The following ZNF385D variants were observed in gnomAD, a reference collection of about 807,000 sequenced individuals.
ZNF385D encodes the protein zinc finger protein 659.
Under a neutral mutation model 35.8 loss-of-function variants are expected in ZNF385D, and 15 were observed. That is an observed-to-expected ratio of 0.42 (90% CI 0.28 to 0.64). ZNF385D has a LOEUF of 0.64. Among genes scored for constraint, ZNF385D ranks in the 30% least tolerant of loss-of-function variants. The probability of loss-of-function intolerance (pLI) is 0.23; values close to 1 mark genes in which losing one functional copy is unlikely to be tolerated. For missense variants in ZNF385D, 474 were observed against 494.6 expected (o/e 0.96, Z 0.39); for synonymous variants, 212 against 186.8 (o/e 1.13, Z -1.10).
At chr3:22,293,750 A>C (rs1169667467) in intron 2 of ZNF385D, among the ~76,000 whole-genome samples, 1 of 152,150 alleles carries the variant, frequency 6.6e-6, no homozygotes, top group African/African-American at 2.4e-5. Context: ...CAACTTCAGC[A>C]TCAGCATCAC....
intron 2 of ZNF385D, among the ~76,000 whole-genome samples, chr3:21,660,717 T>C (rs80178803): frequency 6.6e-6 from 1 of 152,334 alleles, no homozygotes; most frequent in East Asian, 1.9e-4. Flanking sequence ...CAAGCCATTC[T>C]CCTTCGATCT....
In ZNF385D at chr3:21,639,836, C is replaced by T. The variant is rs765045552; in HGVS notation, c.165+25050G>A. ...ATAGATTTTTTATTTTAAAAATGTTCACCATGTGAGTCTGCTGAAGAGAAA... is the reference window on the plus strand; with the variant it reads ...ATAGATTTTTTATTTTAAAAATGTTTACCATGTGAGTCTGCTGAAGAGAAA... On this transcript the variant is annotated intron_variant, in intron 2 of 7. Transcript: ENST00000281523. Among the ~76,000 whole-genome samples the T allele has an allele frequency of 1.6e-4, 24 of 151,852 alleles. 1 individual carries two copies. Among genetic ancestry groups the T allele is most frequent in the Non-Finnish European group, 4.4e-5 (3 of 67,944 alleles).
chr3:21,625,669 C>T (rs527477361), intron 2 of ZNF385D, among the ~76,000 whole-genome samples: 4 of 151,898 alleles, frequency 2.6e-5, no homozygotes, highest in Non-Finnish European at 5.9e-5. Flanking sequence ...GGTTGAGACA[C>T]AAAAAAAGTC....
chr3:21,493,920 AT>A (rs1705622435), intron 4 of ZNF385D, among the ~76,000 whole-genome samples: 2 of 152,158 alleles, frequency 1.3e-5, no homozygotes, highest in South Asian at 4.1e-4. Context: ...TTAGCTGATA[AT>A]TCTGTATATT....
At chr3:22,065,635 C>T (rs1229516443) in intron 3 of ZNF385D, among the ~76,000 whole-genome samples, 2 of 147,016 alleles carry the variant, frequency 1.4e-5, no homozygotes, top group African/African-American at 5.0e-5. Context: ...GTGGAGCTCG[C>T]AAGTGGTGAG....
At chr3:21,852,253 C>A (rs1019753208) in intron 3 of ZNF385D, among the ~76,000 whole-genome samples, 66 of 151,842 alleles carry the variant, frequency 4.3e-4, no homozygotes, top group African/African-American at 4.8e-5. Context: ...CATTGGGTTG[C>A]ACATCTCTAA....
At chr3:22,312,636 A>G (rs1251525293) in intron 2 of ZNF385D, among the ~76,000 whole-genome samples, 3 of 152,234 alleles carry the variant, frequency 2.0e-5, no homozygotes, top group Non-Finnish European at 4.4e-5. Flanking sequence ...TACGGAGCCA[A>G]AAACACATGA....
intron 3 of ZNF385D, among the ~76,000 whole-genome samples, chr3:21,806,133 C>A (rs932062412): frequency 6.6e-6 from 1 of 152,154 alleles, no homozygotes; most frequent in East Asian, 1.9e-4. Context: ...TGCCGGACTA[C>A]CTGCCTTCTT....
At chr3:21,446,712 C>T (rs543585359) in intron 4 of ZNF385D, among the ~76,000 whole-genome samples, 1 of 151,820 alleles carries the variant, frequency 6.6e-6, no homozygotes, top group Non-Finnish European at 1.5e-5. Flanking sequence ...CAGCCGGTCT[C>T]CAATCTCTGA....
At chr3:22,342,254 GC>G (rs1695457265) in intron 2 of ZNF385D, among the ~76,000 whole-genome samples, 1 of 132,514 alleles carries the variant, frequency 7.5e-6, no homozygotes, top group African/African-American at 3.0e-5. Flanking sequence ...TCCAGCCTGG[GC>G]GACAGAGCAA....
At chr3:21,565,814 A>AGAT (rs1382006231) in intron 2 of ZNF385D, among the ~76,000 whole-genome samples, 1 of 152,218 alleles carries the variant, frequency 6.6e-6, no homozygotes, top group Non-Finnish European at 1.5e-5. Context: ...TCTTCATAAT[A>AGAT]GATTGAGATA....
At chr3:22,303,012 T>C (rs147009745) in intron 2 of ZNF385D, among the ~76,000 whole-genome samples, 48 of 152,246 alleles carry the variant, frequency 3.2e-4, no homozygotes, top group African/African-American at 1.1e-3. Context: ...TGAAAGATGA[T>C]AGTTCATCTT....
intron 2 of ZNF385D, among the ~76,000 whole-genome samples, chr3:22,218,728 G>T (rs898498547): frequency 1.3e-5 from 2 of 152,016 alleles, no homozygotes; most frequent in African/African-American, 4.8e-5. Flanking sequence ...ATTATTAATT[G>T]TCTTTCTCCT....
chr3:22,028,881 G>C (rs1192118260), intron 3 of ZNF385D, among the ~76,000 whole-genome samples: 2 of 152,110 alleles, frequency 1.3e-5, no homozygotes, highest in Non-Finnish European at 2.9e-5. Context: ...ACTTTGCAGG[G>C]CTGGGGCAAA....
chr3:22,074,105 TTTTC>T (rs1178026856), intron 3 of ZNF385D, among the ~76,000 whole-genome samples: 1 of 151,976 alleles, frequency 6.6e-6, no homozygotes, highest in Non-Finnish European at 1.5e-5. Context: ...AGGATACTTT[TTTTC>T]TTTTTCTGTG....
chr3:22,274,226 T>G (rs779997229), intron 2 of ZNF385D, among the ~76,000 whole-genome samples: 31 of 151,986 alleles, frequency 2.0e-4, no homozygotes, highest in Non-Finnish European at 4.1e-4. Context: ...GAACAAAGAA[T>G]GTATTATAAT....
At chr3:22,113,334 G>A (rs1702637593) in intron 3 of ZNF385D, among the ~76,000 whole-genome samples, 1 of 152,006 alleles carries the variant, frequency 6.6e-6, no homozygotes, top group Admixed American at 6.6e-5. Context: ...CTTTAGGAAA[G>A]GTTCCAGTAC....
chr3:22,065,900 C>T (rs756405531), intron 3 of ZNF385D, among the ~76,000 whole-genome samples: 10 of 152,108 alleles, frequency 6.6e-5, no homozygotes, highest in East Asian at 5.8e-4. Context: ...AAAGACATCA[C>T]GGATCACAGC....
intron 6 of ZNF385D, among the ~76,000 whole-genome samples, 180 bp from the exon 7 acceptor site, chr3:21,424,244 G>A (rs7613111): frequency 0.37 from 41,136 of 112,542 alleles, 6,752 homozygotes; most frequent in East Asian, 0.5. Flanking sequence ...ATATTTTTAT[G>A]CTATCCATAT....
Sources: gnomAD v4.1 joint callset for allele counts (sites outside exome capture counted in the v4.1 genomes callset) on GRCh38, gnomAD v4.1.1 for gene constraint, MANE v1.5 for transcripts, NCBI Gene and HGNC (gene_info 2026-07-23, HGNC 2026-07-21) for gene names.